PIGZ: variants seen among roughly 807,000 people sequenced by gnomAD.
PIGZ encodes GPI alpha-1,2-mannosyltransferase 4.
A neutral mutation model predicts 16.4 loss-of-function variants in PIGZ; 16 were observed. That is an observed-to-expected ratio of 0.97 (90% CI 0.66 to 1.48). The LOEUF (loss-of-function observed/expected upper bound fraction) is 1.48, where lower values mean the gene tolerates loss of function less well. Ranked by LOEUF, PIGZ falls within the 40% of genes most tolerant of loss-of-function variation. The pLI is 0.00. For synonymous variants in PIGZ, 409 were observed against 338.4 expected, an observed-to-expected ratio of 1.21 and a Z score of -2.29; for missense variants, 770 against 739.2, an observed-to-expected ratio of 1.04 and a Z score of -0.48.
intron 1 of PIGZ, among the ~76,000 whole-genome samples, chr3:196,961,992 A>G (rs192029054): frequency 6.6e-5 from 10 of 152,290 alleles, no homozygotes; most frequent in Admixed American, 6.5e-5. Context: ...TTCTGTCTCT[A>G]TAGAATTCCC....
At position 196,951,869 on chromosome 3, in the gene PIGZ, C is replaced by T. The variant is rs369810393; in HGVS notation, c.163G>A (p.Gly55Ser). The change falls in exon 2 of 3, where the codon GGC (glycine) becomes AGC (serine). Residue 55 changes from glycine (G) to serine (S), a missense_variant. Gly to Ser is a moderately conservative substitution (Grantham distance 56). Transcript: ENST00000412723. ...AAGAACTCATCTGGGTGCACATAGC[C>T]CGTCTGCGGAAGGAGACACCACAGC... The part of the protein sequence containing the change: ...RVLWCLLPQT[G>S]YVHPDEFFQS... The T allele has an allele frequency of 6.2e-7, 1 of 1,614,160 alleles. No individual in the cohort carries two copies. Among genetic ancestry groups the T allele is most frequent in the Non-Finnish European group, 8.5e-7 (1 of 1,180,034 alleles).
rs755046239 is a variant in PIGZ, at chr3:196,947,322, G to A, written c.1575C>T (p.Gly525=). The change falls in exon 3 of 3, where the codon GGC becomes GGT. Residue 525 remains glycine, a synonymous_variant. Transcript: ENST00000412723. ...ACTTCTCCACGGCACGCCTGGTGGT[G>A]CCAGGGGTTACCACAAAGAGGCGGC... ...WLCRLFVVTP[G]TTRRAVEKCS... The A allele has an allele frequency of 2.5e-6, 4 of 1,614,198 alleles. No homozygotes were observed. Among genetic ancestry groups the A allele is most frequent in the South Asian group, 2.2e-5 (2 of 91,084 alleles).
chr3:196,968,633 T>A (rs749262733), intron 1 of PIGZ, 54 bp downstream of exon 1: 24 of 152,220 alleles, frequency 1.6e-4, no homozygotes, highest in Non-Finnish European at 2.6e-4. Context: ...CTTGGTCCGC[T>A]CGCCCTCCCC....
chr3:196,960,239 C>T (rs557207633), intron 1 of PIGZ, among the ~76,000 whole-genome samples: 1 of 152,102 alleles, frequency 6.6e-6, no homozygotes, highest in Non-Finnish European at 1.5e-5. Flanking sequence ...TTCAGTGTAC[C>T]GAATGATTTT....
intron 1 of PIGZ, among the ~76,000 whole-genome samples, chr3:196,966,658 C>T (rs550969365): frequency 6.6e-6 from 1 of 152,328 alleles, no homozygotes; most frequent in South Asian, 2.1e-4. Context: ...CTCCAGGGAA[C>T]GACCCCCGCC....
chr3:196,947,306 C>A lies in PIGZ; in HGVS notation c.1591G>T (p.Val531Leu), dbSNP rs146219795. 2 of 1,614,146 alleles carry A rather than the reference C, an allele frequency of 1.2e-6. No homozygotes were observed. Among genetic ancestry groups the A allele is most frequent in the South Asian group, 2.2e-5 (2 of 91,072 alleles). Residue 531 changes from valine (V) to leucine (L), a missense_variant, in exon 3 of 3, where the codon GTG becomes TTG. Val to Leu is a conservative substitution (Grantham distance 32). Transcript: ENST00000412723. ...TTGAAGGGGAAGCTGCACTTCTCCACGGCACGCCTGGTGGTGCCAGGGGTT... is the reference window on the plus strand; with the variant it reads ...TTGAAGGGGAAGCTGCACTTCTCCAAGGCACGCCTGGTGGTGCCAGGGGTT... ...VVTPGTTRRA[V>L]EKCSFPFKNE...
In PIGZ at chr3:196,965,912, A is replaced by C. The variant is rs1717907492; in HGVS notation, c.-1+2775T>G. Among the ~76,000 whole-genome samples the C allele has an allele frequency of 6.6e-6, 1 of 152,146 alleles. No individual in the cohort carries two copies. Among genetic ancestry groups the C allele is most frequent in the Non-Finnish European group, 1.5e-5 (1 of 68,032 alleles). On this transcript the variant is annotated intron_variant, in intron 1 of 2. Transcript: ENST00000412723. The surrounding 1 kb of genome is among the most constrained non-coding windows in gnomAD (Gnocchi z 4.2). Reference sequence around the variant, plus strand: ...CTGCATCCTTCCTTCTGACTGCGGCAGAGACAGGCCGAATCACTCCCCTGT... The same window carrying C: ...CTGCATCCTTCCTTCTGACTGCGGCCGAGACAGGCCGAATCACTCCCCTGT...
chr3:196,951,186 C>T (rs1018163837), intron 2 of PIGZ, among the ~76,000 whole-genome samples: 3 of 152,310 alleles, frequency 2.0e-5, no homozygotes, highest in Admixed American at 1.3e-4. Context: ...CAAAATATGA[C>T]CTTAAAGAGA....
At chr3:196,964,165 C>T (rs1717832852) in intron 1 of PIGZ, among the ~76,000 whole-genome samples, 1 of 152,168 alleles carries the variant, frequency 6.6e-6, no homozygotes, top group African/African-American at 2.4e-5. Flanking sequence ...ATTCTCCTAC[C>T]TCAGCCTCCC....
At chr3:196,963,062 C>G (rs1186408950) in intron 1 of PIGZ, among the ~76,000 whole-genome samples, 4 of 152,232 alleles carry the variant, frequency 2.6e-5, no homozygotes, top group Non-Finnish European at 5.9e-5. Flanking sequence ...TCTCTGGAGG[C>G]CTTTGTGGCT....
At chr3:196,955,351 A>G (rs567145650) in intron 1 of PIGZ, among the ~76,000 whole-genome samples, 1 of 152,282 alleles carries the variant, frequency 6.6e-6, no homozygotes, top group East Asian at 1.9e-4. Context: ...TGTCAATTTT[A>G]GTTCATTTTT....
chr3:196,959,348 T>C (rs937262427), intron 1 of PIGZ, among the ~76,000 whole-genome samples: 10 of 152,258 alleles, frequency 6.6e-5, no homozygotes, highest in African/African-American at 2.2e-4. Context: ...GTATTTTCAA[T>C]GTATCTATTA....
At position 196,946,558 on chromosome 3, in the gene PIGZ, G is replaced by T. The variant is rs886702556; in HGVS notation, c.*599C>A. On this transcript the variant is annotated 3_prime_UTR_variant, in exon 3 of 3. Coordinates refer to ENST00000412723, the MANE Select transcript of PIGZ (RefSeq NM_025163.4). ...AATGTTAGCCGGCAGACACCTCAAA[G>T]TTCCTCTGATCCCAACAGACTGGGA... 7.9e-5 allele frequency: 12 copies of T among 152,318 alleles called. No individual in the cohort carries two copies. The highest frequency in any genetic ancestry group is 2.9e-5 in the Non-Finnish European group (2 of 68,140). The allele number at this position is 152,318 out of a possible 1,614,324, so 9.4% of individuals were successfully genotyped here. A position where few individuals can be genotyped will look rare whatever the true frequency, so the allele number is the denominator to read the frequency against.
chr3:196,947,109 G>T lies in PIGZ; in HGVS notation c.*48C>A. Reference sequence around the variant, plus strand: ...CAGCTACCCAAGTAGAAGGTGGGGCGGCATCTTCTATGGCTGAGTCTTGGG... The same window carrying T: ...CAGCTACCCAAGTAGAAGGTGGGGCTGCATCTTCTATGGCTGAGTCTTGGG... On this transcript the variant is annotated 3_prime_UTR_variant, in exon 3 of 3. Transcript: ENST00000412723. 1 of 1,477,758 alleles carries T rather than the reference G, an allele frequency of 6.8e-7. No individual in the cohort carries two copies. Among genetic ancestry groups the T allele is most frequent in the Non-Finnish European group, 9.1e-7 (1 of 1,100,832 alleles). The allele number at this position is 1,477,758 out of a possible 1,614,324, so 91.5% of individuals were successfully genotyped here.
At chr3:196,957,713 C>T (rs755589647) in intron 1 of PIGZ, among the ~76,000 whole-genome samples, 86 of 152,122 alleles carry the variant, frequency 5.7e-4, no homozygotes, top group Non-Finnish European at 1.9e-4. Context: ...TATATTAGAA[C>T]GTGGCCCTCC....
rs887800898 is a variant in PIGZ, at chr3:196,965,959, C to A, written c.-1+2728G>T. Among the ~76,000 whole-genome samples, 1 of 152,166 alleles carries A rather than the reference C, an allele frequency of 6.6e-6. No individual in the cohort carries two copies. Among genetic ancestry groups the A allele is most frequent in the Admixed American group, 6.5e-5 (1 of 15,274 alleles). The stretch of plus-strand genomic sequence containing the variant: ...CTGTGAGAAACCTCTGGATGGGGGG[C>A]CATCCCCTCACCACCCTGAGGACCA... On this transcript the variant is annotated intron_variant, in intron 1 of 2. Transcript: ENST00000412723. This position sits in a 1 kb window ranked among gnomAD's most constrained non-coding sequence, Gnocchi z 4.2.
intron 1 of PIGZ, among the ~76,000 whole-genome samples, chr3:196,966,295 G>A (rs1430917518): frequency 1.3e-5 from 2 of 152,196 alleles, no homozygotes; most frequent in Admixed American, 6.5e-5. Flanking sequence ...TTATACCTCA[G>A]CTTTAAAACA....
intron 1 of PIGZ, among the ~76,000 whole-genome samples, chr3:196,964,271 G>T (rs182653748): frequency 6.8e-6 from 1 of 147,230 alleles, no homozygotes; most frequent in Non-Finnish European, 1.5e-5. Context: ...GGATGGTCTC[G>T]ATCTCCTGAC....
Position 196,962,324 on chromosome 3 carries a change from C to A in PIGZ, c.-1+6363G>T, listed in dbSNP as rs568477072. Among the ~76,000 whole-genome samples, 41 of 152,242 alleles carry A rather than the reference C, an allele frequency of 2.7e-4. No individual in the cohort carries two copies. The South Asian group carries it at 7.3e-3, about 27-fold the overall frequency. On this transcript the variant is annotated intron_variant, in intron 1 of 2. Transcript: ENST00000412723. ...CTCCAGTCTTGAGTACCCAGGGACA[C>A]AATGCACTGTGGAAAGCCATGGGGA...
Sources: gnomAD v4.1 joint callset for allele counts (sites outside exome capture counted in the v4.1 genomes callset) on GRCh38, gnomAD v4.1.1 for gene constraint, Gnocchi (gnomAD v3.1) non-coding constraint, MANE v1.5 for transcripts, NCBI Gene and HGNC (gene_info 2026-07-23, HGNC 2026-07-21) for gene names.